The following PTPRZ1 variants were observed in gnomAD, a reference collection of about 807,000 sequenced individuals.
The protein encoded by PTPRZ1 is receptor-type tyrosine-protein phosphatase zeta.
Under a neutral mutation model 214.1 loss-of-function variants are expected in PTPRZ1, and 82 were observed. The observed-to-expected ratio is 0.38, with a 90% CI of 0.32 to 0.46. PTPRZ1 has a LOEUF of 0.46. PTPRZ1 is among the 20% of genes least tolerant of loss of function. PTPRZ1 has a pLI of 1.00. For synonymous variants in PTPRZ1, 945 were observed against 987.9 expected, an observed-to-expected ratio of 0.96 and a Z score of 0.81; for missense variants, 2,603 against 2,748.7, an observed-to-expected ratio of 0.95 and a Z score of 1.19.
intron 2 of PTPRZ1, among the ~76,000 whole-genome samples, chr7:121,949,546 G>A (rs1005645793): frequency 7.2e-5 from 11 of 152,142 alleles, no homozygotes; most frequent in African/African-American, 1.9e-4. Flanking sequence ...TGGACAAATC[G>A]GAGAGTATTT....
At chr7:121,935,869 ACT>A (rs1240221507) in intron 2 of PTPRZ1, among the ~76,000 whole-genome samples, 1 of 151,964 alleles carries the variant, frequency 6.6e-6, no homozygotes, top group African/African-American at 2.4e-5. Flanking sequence ...CGCAGAGCCT[ACT>A]CTCTGTGTTC....
chr7:121,924,012 T>A (rs1795678745), intron 1 of PTPRZ1, among the ~76,000 whole-genome samples: 1 of 152,016 alleles, frequency 6.6e-6, no homozygotes, highest in South Asian at 2.1e-4. Flanking sequence ...GAAGAATATT[T>A]TTGGGACAAA....
At chr7:122,041,322 T>C (rs1799726947) in intron 21 of PTPRZ1, among the ~76,000 whole-genome samples, 1 of 148,040 alleles carries the variant, frequency 6.8e-6, no homozygotes, top group South Asian at 2.1e-4. Flanking sequence ...ATAAAAATGC[T>C]TGAGCTACAA....
chr7:121,914,567 G>A (rs1795364713), intron 1 of PTPRZ1, among the ~76,000 whole-genome samples: 1 of 152,146 alleles, frequency 6.6e-6, no homozygotes, highest in African/African-American at 2.4e-5. Context: ...AATTGTTTTT[G>A]TGAAAAATCC....
chr7:122,010,615 G>A lies in PTPRZ1; in HGVS notation c.1569G>A (p.Val523=). ...EKDISLTSQT[V]TELPPHTVEG... ...ATATTTCCTTGACTTCTCAGACTGT[G>A]ACTGAACTGCCACCTCACACTGTGG... The change falls in exon 12 of 30, where the codon GTG becomes GTA. Residue 523 remains valine, a synonymous_variant. Transcript: ENST00000393386. The A allele has an allele frequency of 1.2e-6, 2 of 1,613,782 alleles. No homozygotes were observed. Among genetic ancestry groups the A allele is most frequent in the East Asian group, 2.2e-5 (1 of 44,882 alleles).
intron 27 of PTPRZ1, among the ~76,000 whole-genome samples, 190 bp downstream of exon 27, chr7:122,055,277 A>G (rs1184744516): frequency 7.9e-5 from 12 of 152,014 alleles, no homozygotes; most frequent in African/African-American, 2.4e-4. Flanking sequence ...ACAATTAGTC[A>G]TCACTACGTC....
At chr7:121,912,033 C>T (rs1192873706) in intron 1 of PTPRZ1, among the ~76,000 whole-genome samples, 1 of 152,056 alleles carries the variant, frequency 6.6e-6, no homozygotes. Context: ...TATGATGAAG[C>T]ATTTTCCAGT....
At chr7:121,946,931 T>A (rs908616848) in intron 2 of PTPRZ1, among the ~76,000 whole-genome samples, 10 of 152,050 alleles carry the variant, frequency 6.6e-5, no homozygotes, top group African/African-American at 2.2e-4. Context: ...ATTACGAAAG[T>A]CGAGAAGAGA....
chr7:121,876,552 C>CTG (rs3069076), intron 1 of PTPRZ1, among the ~76,000 whole-genome samples: 87,882 of 151,824 alleles, frequency 0.58, 26,990 homozygotes, highest in African/African-American at 0.79. Context: ...GTTATAGAGT[C>CTG]TGAAATTCAA....
chr7:121,941,908 G>A (rs928544305), intron 2 of PTPRZ1, among the ~76,000 whole-genome samples: 3 of 152,136 alleles, frequency 2.0e-5, no homozygotes, highest in Non-Finnish European at 4.4e-5. Context: ...TTATACATTT[G>A]CATTTTATCT....
chr7:122,024,805 T>G (rs1225518681), intron 13 of PTPRZ1, among the ~76,000 whole-genome samples: 1 of 152,304 alleles, frequency 6.6e-6, no homozygotes, highest in African/African-American at 2.4e-5. Flanking sequence ...AATGCCAACA[T>G]GTTTTAATTT....
chr7:121,943,983 T>A (rs1796304532), intron 2 of PTPRZ1, among the ~76,000 whole-genome samples: 1 of 152,222 alleles, frequency 6.6e-6, no homozygotes, highest in Admixed American at 6.5e-5. Flanking sequence ...TATTGACATT[T>A]AAAAAGTAGC....
rs780956247 is a variant in PTPRZ1, at chr7:121,996,609, T to TTTAATTTC, written c.1113+44_1113+51dup. On this transcript the variant is annotated intron_variant, in intron 9 of 29. Transcript: ENST00000393386. ...TGTTTTACATAGGGTAACATTATAATTTAATTTCCAAGGTAAGAACTTACA... is the reference window on the plus strand; with the variant it reads ...TGTTTTACATAGGGTAACATTATAATTTAATTTCTTAATTTCCAAGGTAAGAACTTACA... The TTTAATTTC allele has an allele frequency of 2.1e-6, 3 of 1,405,078 alleles. No individual in the cohort carries two copies. The South Asian group carries it at 4.9e-5, about 23-fold the overall frequency. 87.0% of individuals were successfully genotyped at this position (1,405,078 alleles called of 1,614,324 possible). A position where few individuals can be genotyped will look rare whatever the true frequency, so the allele number is the denominator to read the frequency against.
At chr7:122,005,923 C>T (rs1375128477) in intron 11 of PTPRZ1, among the ~76,000 whole-genome samples, 1 of 151,952 alleles carries the variant, frequency 6.6e-6, no homozygotes, top group Non-Finnish European at 1.5e-5. Flanking sequence ...TGCTTAGTTA[C>T]TTTAGTTACA....
At position 122,039,499 on chromosome 7, in the gene PTPRZ1, G is replaced by T; in HGVS notation, c.5548G>T (p.Gly1850Trp). 2 of 1,613,978 alleles carry T rather than the reference G, an allele frequency of 1.2e-6. No homozygotes were observed. The highest frequency in any genetic ancestry group is 1.6e-4 in the Middle Eastern group (1 of 6,062). The change falls in exon 20 of 30, where the codon GGG becomes TGG. Residue 1850 changes from glycine to tryptophan, a missense_variant. Transcript: ENST00000393386. ...YWPADGSEEY[G>W]NFLVTQKSVQ... ...GCCTGCCGATGGGAGTGAGGAGTAC[G>T]GGAACTTTCTGGTCACTCAGAAGAG...
chr7:121,954,853 T>C (rs980323844), intron 2 of PTPRZ1, among the ~76,000 whole-genome samples: 8 of 152,224 alleles, frequency 5.3e-5, no homozygotes, highest in African/African-American at 1.4e-4. Context: ...TGGCAGCAGA[T>C]TTATTGCTAT....
intron 10 of PTPRZ1, among the ~76,000 whole-genome samples, chr7:122,002,603 A>T (rs1798364407): frequency 6.6e-6 from 1 of 152,234 alleles, no homozygotes; most frequent in African/African-American, 2.4e-5. Context: ...AATATTAAAG[A>T]AAAAGGGAAA....
intron 1 of PTPRZ1, among the ~76,000 whole-genome samples, chr7:121,904,073 T>C (rs1178956339): frequency 6.6e-6 from 1 of 152,008 alleles, no homozygotes. Flanking sequence ...CCTTTGAATA[T>C]AAGTTACTTT....
At chr7:121,947,417 A>G (rs186122466) in intron 2 of PTPRZ1, among the ~76,000 whole-genome samples, 6,002 of 151,994 alleles carry the variant, frequency 0.039, 133 homozygotes, top group East Asian at 0.084. Context: ...TAATTGCTTA[A>G]TAAGAAAGAA....
Sources: gnomAD v4.1 joint callset for allele counts (sites outside exome capture counted in the v4.1 genomes callset) on GRCh38, gnomAD v4.1.1 for gene constraint, MANE v1.5 for transcripts, NCBI Gene and HGNC (gene_info 2026-07-23, HGNC 2026-07-21) for gene names.